LATS1: variants seen among roughly 807,000 people sequenced by gnomAD.
The protein encoded by LATS1 is serine/threonine-protein kinase LATS1.
In LATS1, 25 loss-of-function variants were observed where a neutral mutation model predicts 106.6. The ratio of observed to expected loss-of-function variants is 0.23; its 90% CI spans 0.17 to 0.33. The LOEUF is 0.33. Among genes scored for constraint, LATS1 ranks in the 10% least tolerant of loss-of-function variants. LATS1 has a pLI of 1.00. For synonymous variants in LATS1, 465 were observed against 455.6 expected, an observed-to-expected ratio of 1.02 and a Z score of -0.26; for missense variants, 1,040 against 1,382.6, an observed-to-expected ratio of 0.75 and a Z score of 3.93.
At position 149,660,753 on chromosome 6, in the gene LATS1, C is replaced by T. The variant is rs527614121; in HGVS notation, c.*976G>A. On this transcript the variant is annotated 3_prime_UTR_variant, in exon 8 of 8. Coordinates refer to ENST00000543571, the MANE Select transcript of LATS1 (RefSeq NM_004690.4). ...GTTAATTTTTTCACCAATTAATCTG[C>T]GCTTAGGTAAAATATTGCCAGATAG... is the stretch of plus-strand genomic sequence containing the variant. 1.2e-4 allele frequency: 27 copies of T among 226,138 alleles called. No individual in the cohort carries two copies. The highest frequency in any genetic ancestry group is 2.0e-4 in the Non-Finnish European group (23 of 113,702). The allele number at this position is 226,138 out of a possible 1,614,324, so 14.0% of individuals were successfully genotyped here.
At chr6:149,700,585 GA>G (rs1783394442) in intron 2 of LATS1, among the ~76,000 whole-genome samples, 1 of 151,698 alleles carries the variant, frequency 6.6e-6, no homozygotes, top group Non-Finnish European at 1.5e-5. Flanking sequence ...ATTAAATACA[GA>G]TATATATGGA....
At chr6:149,704,038 T>A (rs1226103144) in intron 1 of LATS1, among the ~76,000 whole-genome samples, 1 of 152,228 alleles carries the variant, frequency 6.6e-6, no homozygotes, top group African/African-American at 2.4e-5. Context: ...AGTTTCGCTC[T>A]TGTTCCCCAG....
intron 3 of LATS1, among the ~76,000 whole-genome samples, chr6:149,692,672 T>C (rs1184594919): frequency 2.7e-5 from 4 of 150,868 alleles, no homozygotes; most frequent in Admixed American, 2.6e-4. Context: ...TTTTTCTTTT[T>C]CTTTCTTTTT....
chr6:149,705,933 C>T (rs1213110848), intron 1 of LATS1, among the ~76,000 whole-genome samples: 1 of 151,990 alleles, frequency 6.6e-6, no homozygotes, highest in Non-Finnish European at 1.5e-5. Flanking sequence ...CCTATAATCC[C>T]AGCACTTTGG....
intron 2 of LATS1, chr6:149,697,063 C>A (rs1783134669): frequency 1.1e-6 from 1 of 906,604 alleles, no homozygotes; most frequent in African/African-American, 1.7e-5. Context: ...TGTTGACATG[C>A]ATTTTTCAAG....
intron 7 of LATS1, among the ~76,000 whole-genome samples, chr6:149,670,640 T>G (rs1781395334): frequency 6.6e-6 from 1 of 152,024 alleles, no homozygotes; most frequent in Non-Finnish European, 1.5e-5. Flanking sequence ...TGGTTGGTGT[T>G]AGTGATTCCC....
Position 149,701,852 on chromosome 6 carries a change from G to C in LATS1, c.275C>G (p.Thr92Arg). ...RNSLLPFANE[T>R]NSSRSTSEVN... ...TTCTGAAGTACTCCGAGAAGAATTT[G>C]TTTCATTTGCAAATGGAAGCAGAGA... The change falls in exon 2 of 8, where the codon ACA becomes AGA. Residue 92 changes from threonine to arginine, a missense_variant. Transcript: ENST00000543571. 6.2e-7 allele frequency: 1 copy of C among 1,614,158 alleles called. No homozygotes were observed. Among genetic ancestry groups the C allele is most frequent in the Middle Eastern group, 1.6e-4 (1 of 6,062 alleles).
intron 1 of LATS1, among the ~76,000 whole-genome samples, chr6:149,705,609 GA>G (rs1295782882): frequency 6.6e-6 from 1 of 150,500 alleles, no homozygotes; most frequent in Non-Finnish European, 1.5e-5. Flanking sequence ...AAAAAAAAAA[GA>G]AAAAAAGAAA....
At chr6:149,689,480 T>A (rs989358100) in intron 3 of LATS1, among the ~76,000 whole-genome samples, 4 of 152,120 alleles carry the variant, frequency 2.6e-5, no homozygotes, top group Non-Finnish European at 4.4e-5. Flanking sequence ...ACTTGTTTAG[T>A]GAAACTCCAG....
intron 7 of LATS1, among the ~76,000 whole-genome samples, chr6:149,663,271 C>T (rs1040476593): frequency 6.6e-6 from 1 of 152,028 alleles, no homozygotes; most frequent in Non-Finnish European, 1.5e-5. Context: ...TTGCTTGAGC[C>T]CAGAAGTTCA....
At chr6:149,698,330 T>C (rs1329854770) in intron 2 of LATS1, among the ~76,000 whole-genome samples, 1 of 148,432 alleles carries the variant, frequency 6.7e-6, no homozygotes, top group Admixed American at 6.7e-5. Flanking sequence ...TGCGACCCAA[T>C]CTCCTGGGTT....
intron 1 of LATS1, among the ~76,000 whole-genome samples, chr6:149,715,271 G>T (rs910376649): frequency 1.3e-5 from 2 of 152,066 alleles, no homozygotes; most frequent in African/African-American, 4.8e-5. Flanking sequence ...GTTTCACCAT[G>T]TTGGCCAGGC....
chr6:149,701,288 T>A (rs1378279143), intron 2 of LATS1, among the ~76,000 whole-genome samples: 1 of 152,240 alleles, frequency 6.6e-6, no homozygotes, highest in Non-Finnish European at 1.5e-5. Flanking sequence ...ACTTGGCAGT[T>A]AGCCTGAAGT....
chr6:149,689,826 A>C (rs2114868011), intron 3 of LATS1, among the ~76,000 whole-genome samples: 1 of 152,300 alleles, frequency 6.6e-6, no homozygotes. Context: ...TCTAAGGCTA[A>C]TAGTCCCTCA....
intron 3 of LATS1, among the ~76,000 whole-genome samples, chr6:149,692,361 A>C (rs894531865): frequency 7.2e-5 from 11 of 152,132 alleles, no homozygotes; most frequent in African/African-American, 2.7e-4. Context: ...GTACTTCTTC[A>C]GATATCAGCT....
chr6:149,693,611 AAAACAAACAAACAAACAAAC>A (rs71554447), intron 3 of LATS1, among the ~76,000 whole-genome samples: 1 of 150,780 alleles, frequency 6.6e-6, no homozygotes, highest in East Asian at 2.0e-4. Context: ...CTCCATCTCA[AAAACAAACAAACAAACAAAC>A]AAACAAACAA....
At chr6:149,667,859 C>T (rs1248453832) in intron 7 of LATS1, among the ~76,000 whole-genome samples, 2 of 152,168 alleles carry the variant, frequency 1.3e-5, no homozygotes, top group Non-Finnish European at 1.5e-5. Context: ...TTATGAACGA[C>T]AGAAGGAAGT....
rs1267025243 is a variant in LATS1 at position 149,699,217 on chromosome 6, TG to T, written c.348+2561del. On this transcript the variant is annotated intron_variant, in intron 2 of 7. Coordinates refer to ENST00000543571, the MANE Select transcript of LATS1 (RefSeq NM_004690.4). The stretch of plus-strand genomic sequence containing the variant: ...AGATAAACTCTACAATATAATAGGA[TG>T]CTACCAGAATGAGTGATTCAAGGAA... Among the ~76,000 whole-genome samples the T allele has an allele frequency of 2.6e-5, 4 of 152,328 alleles. No individual in the cohort carries two copies. The East Asian group carries it at 7.7e-4, about 29-fold the overall frequency.
Position 149,697,211 on chromosome 6 carries a change from T to A in LATS1, c.349-1990A>T, listed in dbSNP as rs754199198. On this transcript the variant is annotated intron_variant, in intron 2 of 7. Transcript: ENST00000543571. ...CCTATATGAAATGATAAGAGAAGAA[T>A]GTGAGACCAACCAAAGAAAGGATGT... 8.3e-6 allele frequency: 9 copies of A among 1,077,906 alleles called. No individual in the cohort carries two copies. In the Admixed American group the frequency reaches 1.7e-4, roughly 21 times the overall value. The allele number at this position is 1,077,906 out of a possible 1,614,324, so 66.8% of individuals were successfully genotyped here. A position where few individuals can be genotyped will look rare whatever the true frequency, so the allele number is the denominator to read the frequency against.
Sources: gnomAD v4.1 joint callset for allele counts (sites outside exome capture counted in the v4.1 genomes callset) on GRCh38, gnomAD v4.1.1 for gene constraint, MANE v1.5 for transcripts, NCBI Gene and HGNC (gene_info 2026-07-23, HGNC 2026-07-21) for gene names.